Variants in SLC9A9 observed in about 807,000 individuals in gnomAD.
SLC9A9 encodes solute carrier family 9 member A9.
In SLC9A9, 62 loss-of-function variants were observed where a neutral mutation model predicts 77.8. That is an observed-to-expected ratio of 0.80 (90% CI 0.65 to 0.98). The LOEUF is 0.98. Among genes scored for constraint, SLC9A9 ranks in the 50% least tolerant of loss-of-function variants. SLC9A9 has a pLI of 0.00. For synonymous variants in SLC9A9, 320 were observed against 283.5 expected (o/e 1.13, Z -1.29); for missense variants, 775 against 774.9 (o/e 1.00, Z 0.00).
At chr3:143,369,114 G>T (rs536896889) in intron 13 of SLC9A9, among the ~76,000 whole-genome samples, 2 of 152,154 alleles carry the variant, frequency 1.3e-5, no homozygotes, top group Admixed American at 1.3e-4. Context: ...TACCAGATGG[G>T]CTTGGCTCAT....
rs74440577 is a variant in SLC9A9 at position 143,404,709 on chromosome 3, T to C, written c.1470-22595A>G. On this transcript the variant is annotated intron_variant, in intron 12 of 15. Transcript: ENST00000316549. ...TTTTAGGTAATACACTGTAGCAATT[T>C]TGGATTCTCATTAGCCTCCTCCCCC... Among the ~76,000 whole-genome samples the C allele has an allele frequency of 7.7e-3, 1,167 of 152,302 alleles. 8 individuals are homozygous for C. The highest frequency in any genetic ancestry group is 0.023 in the South Asian group (111 of 4,816).
intron 6 of SLC9A9, among the ~76,000 whole-genome samples, chr3:143,583,298 A>G (rs1447167126): frequency 1.3e-5 from 2 of 152,242 alleles, no homozygotes; most frequent in African/African-American, 2.4e-5. Context: ...ATACTCAAAA[A>G]TAAATGTGTG....
intron 14 of SLC9A9, among the ~76,000 whole-genome samples, chr3:143,334,377 G>A (rs531961169): frequency 2.0e-3 from 303 of 152,308 alleles, no homozygotes; most frequent in Non-Finnish European, 3.5e-3. Context: ...TGTTGGAAGC[G>A]GACATGCTGA....
chr3:143,420,195 C>G (rs1359225564), intron 12 of SLC9A9, among the ~76,000 whole-genome samples: 3 of 152,082 alleles, frequency 2.0e-5, no homozygotes, highest in African/African-American at 7.2e-5. Flanking sequence ...GCTGTGTGGC[C>G]TTGGAGAAGA....
At chr3:143,703,085 G>A (rs907106371) in intron 4 of SLC9A9, among the ~76,000 whole-genome samples, 3 of 151,760 alleles carry the variant, frequency 2.0e-5, no homozygotes, top group African/African-American at 4.8e-5. Flanking sequence ...AAAAATTTTC[G>A]AGCTAAAGAG....
chr3:143,318,633 G>A (rs1023394479), intron 14 of SLC9A9, among the ~76,000 whole-genome samples: 4 of 152,302 alleles, frequency 2.6e-5, no homozygotes, highest in South Asian at 2.1e-4. Flanking sequence ...TGTGGGGTAC[G>A]AACTTGCCAG....
At chr3:143,496,758 C>A (rs563484432) in intron 9 of SLC9A9, among the ~76,000 whole-genome samples, 2 of 152,268 alleles carry the variant, frequency 1.3e-5, no homozygotes, top group South Asian at 4.1e-4. Flanking sequence ...TATATCTTTA[C>A]TTTTTCAAAA....
intron 9 of SLC9A9, among the ~76,000 whole-genome samples, chr3:143,533,372 C>A (rs908309415): frequency 7.2e-5 from 11 of 152,188 alleles, no homozygotes; most frequent in African/African-American, 1.9e-4. Flanking sequence ...TGAAGACTGA[C>A]CTCAAGACAC....
chr3:143,473,281 C>G (rs2035410572), intron 11 of SLC9A9, among the ~76,000 whole-genome samples: 1 of 152,158 alleles, frequency 6.6e-6, no homozygotes, highest in Non-Finnish European at 1.5e-5. Flanking sequence ...ACAGCTTCCT[C>G]AAAACCTAGC....
intron 6 of SLC9A9, among the ~76,000 whole-genome samples, chr3:143,610,331 G>T (rs770630907): frequency 6.6e-6 from 1 of 152,008 alleles, no homozygotes; most frequent in Non-Finnish European, 1.5e-5. Flanking sequence ...ATTTGCAGTA[G>T]AGAAGGGGTT....
At chr3:143,681,337 A>G (rs1050742689) in intron 5 of SLC9A9, among the ~76,000 whole-genome samples, 2 of 152,208 alleles carry the variant, frequency 1.3e-5, no homozygotes, top group Non-Finnish European at 2.9e-5. Context: ...ACGCTGCCGC[A>G]TATTATTAAA....
chr3:143,447,229 A>G (rs538216584), intron 12 of SLC9A9, among the ~76,000 whole-genome samples: 2 of 152,286 alleles, frequency 1.3e-5, no homozygotes, highest in South Asian at 4.1e-4. Context: ...CCAGATTTCC[A>G]TTTCACCTTG....
chr3:143,352,157 G>C (rs901081125), intron 14 of SLC9A9, among the ~76,000 whole-genome samples: 9 of 152,168 alleles, frequency 5.9e-5, no homozygotes, highest in African/African-American at 2.2e-4. Flanking sequence ...GCATAATTCT[G>C]TGTCTACATG....
At chr3:143,776,007 A>T (rs957337583) in intron 4 of SLC9A9, among the ~76,000 whole-genome samples, 1 of 152,194 alleles carries the variant, frequency 6.6e-6, no homozygotes, top group African/African-American at 2.4e-5. Context: ...GTTCTGTGCT[A>T]TGAATCTGGC....
intron 6 of SLC9A9, chr3:143,627,074 T>C (rs561757857): frequency 6.6e-6 from 1 of 152,396 alleles, no homozygotes; most frequent in East Asian, 1.9e-4. Flanking sequence ...GGTTTCACTA[T>C]ATTGACCAGG....
At chr3:143,389,237 G>T (rs1394468625) in intron 12 of SLC9A9, among the ~76,000 whole-genome samples, 12 of 152,160 alleles carry the variant, frequency 7.9e-5, no homozygotes, top group Non-Finnish European at 1.3e-4. Context: ...AGAAACTGGT[G>T]GTTGTCTTCA....
At chr3:143,450,951 CGGA>C (rs2034996877) in intron 12 of SLC9A9, among the ~76,000 whole-genome samples, 1 of 151,880 alleles carries the variant, frequency 6.6e-6, no homozygotes, top group African/African-American at 2.4e-5. Flanking sequence ...GGTGCTATGC[CGGA>C]GAAGAAGAGA....
At chr3:143,576,640 G>A (rs1265067494) in intron 7 of SLC9A9, among the ~76,000 whole-genome samples, 2 of 152,192 alleles carry the variant, frequency 1.3e-5, no homozygotes, top group South Asian at 2.1e-4. Flanking sequence ...AAGAGAGCAT[G>A]TTCGGCCTCT....
intron 4 of SLC9A9, among the ~76,000 whole-genome samples, chr3:143,729,037 T>A (rs893597601): frequency 6.6e-6 from 1 of 152,152 alleles, no homozygotes; most frequent in African/African-American, 2.4e-5. Flanking sequence ...TGAAAGTAAG[T>A]GCTTTGCCAA....
Sources: allele counts gnomAD v4.1 joint callset (sites outside exome capture counted in the v4.1 genomes callset), GRCh38; gene constraint gnomAD v4.1.1; transcripts MANE v1.5; gene names NCBI Gene and HGNC (gene_info 2026-07-23, HGNC 2026-07-21).